CCT4: variants seen among roughly 807,000 people sequenced by gnomAD.
The protein encoded by CCT4 is T-complex protein 1 subunit delta.
A neutral mutation model predicts 62.5 loss-of-function variants in CCT4; 17 were observed. The ratio of observed to expected loss-of-function variants is 0.27; its 90% CI spans 0.19 to 0.41. The LOEUF is 0.41. Among genes scored for constraint, CCT4 ranks in the 10% least tolerant of loss-of-function variants. The pLI, the probability that CCT4 is intolerant of heterozygous loss-of-function variation, is 1.00. For missense variants in CCT4, 592 were observed against 659.2 expected (o/e 0.90, Z 1.12); for synonymous variants, 250 against 229.9 (o/e 1.09, Z -0.79).
rs377594655 is a variant in CCT4 at position 61,888,631 on chromosome 2, G to C, written c.-124C>G. ...GAACCTTCCAGAAAGCGGCGCCGGC[G>C]TCGGGAGGAGGCGGAGGCGGAGAAG... On this transcript the variant is annotated 5_prime_UTR_variant, in exon 1 of 14. Coordinates refer to ENST00000394440, the MANE Select transcript of CCT4 (RefSeq NM_006430.4). 6.0e-5 allele frequency: 73 copies of C among 1,207,118 alleles called. No homozygotes were observed. In the African/African-American group the frequency reaches 1.1e-3, roughly 17 times the overall value. The allele number at this position is 1,207,118 out of a possible 1,614,324, so 74.8% of individuals were successfully genotyped here.
chr2:61,880,172 T>C, intron 4 of CCT4, 114 bp downstream of exon 4: 1 of 506,372 alleles, frequency 2.0e-6, no homozygotes. Context: ...GGTAAAAAGA[T>C]TAGTTATTCC....
intron 3 of CCT4, among the ~76,000 whole-genome samples, chr2:61,883,150 G>A (rs1017680008): frequency 2.0e-5 from 3 of 152,100 alleles, no homozygotes; most frequent in African/African-American, 4.8e-5. Flanking sequence ...CTGGCCGGGC[G>A]CAGTAGCTCA....
chr2:61,888,344 C>G, intron 1 of CCT4, 37 bp downstream of exon 1: 1 of 1,599,870 alleles, frequency 6.3e-7, no homozygotes, highest in South Asian at 1.1e-5. Context: ...CAGAGCACAA[C>G]CCCGCGGCGC....
At chr2:61,878,082 C>G (rs891515632) in intron 5 of CCT4, among the ~76,000 whole-genome samples, 2 of 152,170 alleles carry the variant, frequency 1.3e-5, no homozygotes, top group African/African-American at 2.4e-5. Context: ...GTGCTTGTAA[C>G]CATTACGCTA....
chr2:61,886,820 C>T (rs1190045524), intron 1 of CCT4, among the ~76,000 whole-genome samples: 4 of 151,514 alleles, frequency 2.6e-5, no homozygotes, highest in African/African-American at 9.7e-5. Flanking sequence ...AGTGCAATGG[C>T]GCGACGTCAG....
rs971991665 is a variant in CCT4 at position 61,881,870 on chromosome 2, T to TA, written c.271-1477dup. On this transcript the variant is annotated intron_variant, in intron 3 of 13. Coordinates refer to ENST00000394440, the MANE Select transcript of CCT4 (RefSeq NM_006430.4). ...TAAATAAATTTGATCAGTATCTTTG[T>TA]AAAAAAAAAAAATTTTTTAAAAGCC... 1.5e-3 allele frequency among the ~76,000 whole-genome samples: 211 copies of TA among 143,538 alleles called. 1 individual carries two copies. Among genetic ancestry groups the TA allele is most frequent in the African/African-American group, 4.6e-3 (187 of 40,518 alleles). 94.2% of individuals were successfully genotyped at this position (143,538 alleles called of 152,430 possible).
intron 8 of CCT4, among the ~76,000 whole-genome samples, chr2:61,875,715 TA>T (rs1668983813): frequency 6.6e-6 from 1 of 152,170 alleles, no homozygotes; most frequent in South Asian, 2.1e-4. Flanking sequence ...ATAAGTTTTT[TA>T]AAAGGCCAAA....
chr2:61,886,838 C>A (rs1447650516), intron 1 of CCT4, among the ~76,000 whole-genome samples: 1 of 152,036 alleles, frequency 6.6e-6, no homozygotes, highest in African/African-American at 2.4e-5. Context: ...CAGTTCACGG[C>A]AACCTCCGCC....
At chr2:61,873,314 T>C (rs776059241) in intron 8 of CCT4, 21 bp from the exon 9 acceptor site, 9 of 1,347,518 alleles carry the variant, frequency 6.7e-6, no homozygotes, top group Non-Finnish European at 9.5e-6. Context: ...AAATCAGTGA[T>C]TATGTCAATG....
Position 61,876,109 on chromosome 2 carries a change from C to A in CCT4, c.903G>T (p.Gln301His). Residue 301 changes from glutamine (Q) to histidine (H), a missense_variant, in exon 8 of 14, where the codon CAG becomes CAT. This residue lies in a region of CCT4 where 522 missense variants were observed against 571.2 expected (regional missense o/e 0.91). Transcript: ENST00000394440. ...TAGCCCCACACCTTAGAATAGATTTCTGTATGAGAAGGACATTACATCCTG... is the reference window on the plus strand; with the variant it reads ...TAGCCCCACACCTTAGAATAGATTTATGTATGAGAAGGACATTACATCCTG... ...KKTGCNVLLI[Q>H]KSILRDALSD... is the part of the protein sequence containing the mutation. 1.9e-6 allele frequency: 3 copies of A among 1,603,430 alleles called. No homozygotes were observed. Among genetic ancestry groups the A allele is most frequent in the Non-Finnish European group, 2.6e-6 (3 of 1,171,634 alleles).
At chr2:61,868,759 C>A in intron 13 of CCT4, 53 bp from the exon 14 acceptor site, 1 of 1,323,882 alleles carries the variant, frequency 7.6e-7, no homozygotes, top group Non-Finnish European at 1.1e-6. Context: ...AATTTTAAAG[C>A]TGGAAAATGT....
chr2:61,887,388 G>A (rs2105145036), intron 1 of CCT4, among the ~76,000 whole-genome samples: 1 of 152,268 alleles, frequency 6.6e-6, no homozygotes. Flanking sequence ...CTACACGATG[G>A]CTAAAAAGAA....
chr2:61,872,090 C>T lies in CCT4; in HGVS notation c.1483G>A (p.Val495Ile). 1 of 1,603,314 alleles carries T rather than the reference C, an allele frequency of 6.2e-7. No homozygotes were observed. Residue 495 changes from valine (V) to isoleucine (I), a missense_variant, in exon 12 of 14, where the codon GTC (valine) becomes ATC (isoleucine). Val to Ile is a conservative substitution (Grantham distance 29). This residue lies in a region of CCT4 where 522 missense variants were observed against 571.2 expected (regional missense o/e 0.91). Transcript: ENST00000394440. ...AQGEKTAGINVRKGGISNILE... is the reference protein window; with the variant it reads ...AQGEKTAGINIRKGGISNILE... ...AGAGATTAAATGATTACCTTTCGGA[C>T]ATTAATGCCTGCAGTTTTTTCTCCC... is the stretch of plus-strand genomic sequence containing the variant.
chr2:61,868,804 G>T (rs1339956884), intron 13 of CCT4, 98 bp from the exon 14 acceptor site: 1 of 856,930 alleles, frequency 1.2e-6, no homozygotes, highest in Non-Finnish European at 2.0e-6. Flanking sequence ...CCTGTATTAA[G>T]AACTGCTGTC....
In CCT4 at chr2:61,873,509, A is replaced by G. The variant is rs555910646; in HGVS notation, c.918-216T>C. On this transcript the variant is annotated intron_variant, in intron 8 of 13. Coordinates refer to ENST00000394440, the MANE Select transcript of CCT4 (RefSeq NM_006430.4). ...AGTATTAAAATGTACTCTGTCCCCA[A>G]TGACACTATAAAACACACGAAATAA... Among the ~76,000 whole-genome samples the G allele has an allele frequency of 7.9e-5, 12 of 152,280 alleles. No individual in the cohort carries two copies. In the South Asian group the frequency reaches 8.3e-4, roughly 11 times the overall value.
Position 61,888,385 on chromosome 2 carries a change from G to T in CCT4, c.123C>A (p.Ala41=), listed in dbSNP as rs766123010. The change falls in exon 1 of 14, where the codon GCC becomes GCA. Residue 41 remains alanine, a synonymous_variant. Transcript: ENST00000394440. ...GTCAGGCCATGAGAGTGATACCTTT[G>T]GCGGCGGAAATGTTGCTGAAGCGGA... The part of the protein sequence containing the change: ...AQIRFSNISA[A]KAVADAIRTS... The T allele has an allele frequency of 1.2e-6, 2 of 1,613,008 alleles. No homozygotes were observed. The highest frequency in any genetic ancestry group is 1.7e-6 in the Non-Finnish European group (2 of 1,179,610).
Position 61,880,268 on chromosome 2 carries a change from A to T in CCT4, c.379+18T>A. The T allele has an allele frequency of 1.5e-6, 2 of 1,362,598 alleles. No individual in the cohort carries two copies. The highest frequency in any genetic ancestry group is 1.5e-5 in the African/African-American group (1 of 67,804). 84.4% of individuals were successfully genotyped at this position (1,362,598 alleles called of 1,614,324 possible). ...TTTAAACTTTTCTTTATTCAGTAAT[A>T]AAGTACATCCTACCCACCTTTCTGA... On this transcript the variant is annotated intron_variant, in intron 4 of 13. Coordinates refer to ENST00000394440, the MANE Select transcript of CCT4 (RefSeq NM_006430.4).
intron 12 of CCT4, among the ~76,000 whole-genome samples, chr2:61,870,369 G>A (rs1282965682): frequency 6.6e-6 from 1 of 152,162 alleles, no homozygotes; most frequent in Non-Finnish European, 1.5e-5. Context: ...CTACTCTACA[G>A]TCTCATATTT....
intron 13 of CCT4, among the ~76,000 whole-genome samples, chr2:61,869,155 A>G (rs1289646370): frequency 1.3e-5 from 2 of 149,068 alleles, no homozygotes; most frequent in African/African-American, 5.1e-5. Context: ...AAAAAAAAAA[A>G]AAAAAAAAAA....
Sources: gnomAD v4.1 joint callset for allele counts (sites outside exome capture counted in the v4.1 genomes callset) on GRCh38, gnomAD v4.1.1 for gene constraint, gnomAD v4.1.1 regional missense constraint, MANE v1.5 for transcripts, NCBI Gene and HGNC (gene_info 2026-07-23, HGNC 2026-07-21) for gene names.